The following LRRK2 variants were observed in gnomAD, a reference collection of about 807,000 sequenced individuals.
LRRK2 encodes the protein leucine rich repeat kinase 2.
LRRK2 carries 203 observed loss-of-function variants against 302.6 expected under a neutral mutation model. The ratio of observed to expected loss-of-function variants is 0.67; its 90% CI spans 0.60 to 0.75. The LOEUF is 0.75. Ranked by LOEUF, LRRK2 falls within the 30% of genes least tolerant of loss-of-function variation. LRRK2 has a pLI of 0.00. For missense variants in LRRK2, 2,830 were observed against 2,951.0 expected (o/e 0.96, Z 0.95); for synonymous variants, 1,066 against 1,031.9 (o/e 1.03, Z -0.63).
intron 38 of LRRK2, among the ~76,000 whole-genome samples, chr12:40,324,167 A>G (rs1347008148): frequency 6.6e-6 from 1 of 152,080 alleles, no homozygotes; most frequent in African/African-American, 2.4e-5. Flanking sequence ...TCTTTACAAG[A>G]CCTGCGATGC....
chr12:40,315,383 A>G lies in LRRK2; in HGVS notation c.4827+83A>G, dbSNP rs721713. On this transcript the variant is annotated intron_variant, in intron 33 of 50. Transcript: ENST00000298910. ...CGCCCAGAGCATTGAGCATTTTAGAATTTGGGTTTAGTTAAGGCAGAAACT... is the reference window on the plus strand; with the variant it reads ...CGCCCAGAGCATTGAGCATTTTAGAGTTTGGGTTTAGTTAAGGCAGAAACT... 656,598 of 1,175,802 alleles carry G rather than the reference A, an allele frequency of 0.56. 186,060 individuals carry two copies. The highest frequency in any genetic ancestry group is 0.69 in the South Asian group (56,320 of 81,944). 72.8% of individuals were successfully genotyped at this position (1,175,802 alleles called of 1,614,324 possible).
chr12:40,267,421 A>T (rs1209196696), intron 14 of LRRK2, among the ~76,000 whole-genome samples: 2 of 152,190 alleles, frequency 1.3e-5, no homozygotes, highest in African/African-American at 4.8e-5. Context: ...AGTTAAGTTT[A>T]TTCATGGTGA....
At chr12:40,236,944 A>G (rs1941493449) in intron 4 of LRRK2, among the ~76,000 whole-genome samples, 1 of 152,020 alleles carries the variant, frequency 6.6e-6, no homozygotes, top group Admixed American at 6.6e-5. Flanking sequence ...CCAACACTGG[A>G]ATATATTGAA....
At chr12:40,294,691 T>C (rs925007712) in intron 21 of LRRK2, among the ~76,000 whole-genome samples, 154 bp from the exon 22 acceptor site, 3 of 152,024 alleles carry the variant, frequency 2.0e-5, no homozygotes, top group Admixed American at 2.0e-4. Flanking sequence ...TTTTCTTTTA[T>C]CCTCATAATT....
At chr12:40,254,663 A>C (rs1262718459) in intron 11 of LRRK2, among the ~76,000 whole-genome samples, 1 of 152,160 alleles carries the variant, frequency 6.6e-6, no homozygotes, top group Non-Finnish European at 1.5e-5. Context: ...ATCTCCTTTG[A>C]TATGCAAATC....
chr12:40,281,974 A>G (rs1407823590), intron 18 of LRRK2, among the ~76,000 whole-genome samples: 1 of 151,922 alleles, frequency 6.6e-6, no homozygotes, highest in Non-Finnish European at 1.5e-5. Flanking sequence ...CTGGGCTATA[A>G]GAGAAGGCAT....
intron 3 of LRRK2, chr12:40,232,683 T>C (rs938877506): frequency 2.7e-5 from 6 of 219,116 alleles, no homozygotes; most frequent in Non-Finnish European, 5.4e-5. Flanking sequence ...ATTCAAACCA[T>C]GAAGAGATTT....
intron 30 of LRRK2, among the ~76,000 whole-genome samples, chr12:40,309,707 A>G (rs1944971831): frequency 1.3e-5 from 2 of 152,008 alleles, no homozygotes; most frequent in Non-Finnish European, 2.9e-5. Context: ...TTGCTTTTCT[A>G]TCTTTTCCTT....
intron 33 of LRRK2, among the ~76,000 whole-genome samples, chr12:40,317,022 A>G (rs1198518738): frequency 6.6e-6 from 1 of 152,050 alleles, no homozygotes; most frequent in Non-Finnish European, 1.5e-5. Context: ...GGTATATCTT[A>G]TACAGTAGAA....
intron 16 of LRRK2, 89 bp downstream of exon 16, chr12:40,275,082 G>T (rs1442010552): frequency 7.2e-7 from 1 of 1,389,502 alleles, no homozygotes. Flanking sequence ...GCATGAATGG[G>T]GTATTCTAGT....
chr12:40,260,602 C>G (rs1454845618), intron 13 of LRRK2, among the ~76,000 whole-genome samples: 1 of 151,992 alleles, frequency 6.6e-6, no homozygotes, highest in African/African-American at 2.4e-5. Flanking sequence ...AAAATGGAAG[C>G]CAACCCAAGT....
intron 41 of LRRK2, among the ~76,000 whole-genome samples, chr12:40,345,821 T>G (rs1364302024): frequency 7.4e-6 from 1 of 135,564 alleles, no homozygotes; most frequent in Non-Finnish European, 1.7e-5. Context: ...TATATTTCTT[T>G]AGAATAAGGA....
At chr12:40,261,307 C>A (rs971162050) in intron 13 of LRRK2, among the ~76,000 whole-genome samples, 2 of 151,960 alleles carry the variant, frequency 1.3e-5, no homozygotes, top group African/African-American at 2.4e-5. Flanking sequence ...ACTCAAAAAC[C>A]GTTTCTGTTA....
rs72546324 is a variant in LRRK2, at chr12:40,304,004, A to G, written c.3647A>G (p.His1216Arg). ...ATTCAGTACCTACCAGGTCCCGCAC[A>G]CTGGAAATCTTTGAACTTAAGGGAA... is the stretch of plus-strand genomic sequence containing the variant. ...NDIQYLPGPA[H>R]WKSLNLRELL... Residue 1216 changes from histidine to arginine, a missense_variant, in exon 27 of 51, where the codon CAC (histidine) becomes CGC (arginine). By Grantham distance (29) the His-to-Arg change is conservative. Transcript: ENST00000298910. The G allele has an allele frequency of 6.2e-7, 1 of 1,613,766 alleles. No homozygotes were observed. The highest frequency in any genetic ancestry group is 8.5e-7 in the Non-Finnish European group (1 of 1,179,768).
chr12:40,251,571 G>A, intron 10 of LRRK2, 27 bp downstream of exon 10: 2 of 1,541,258 alleles, frequency 1.3e-6, no homozygotes, highest in Non-Finnish European at 1.8e-6. Context: ...TTATATGATA[G>A]AAAATTTCAG....
intron 47 of LRRK2, among the ~76,000 whole-genome samples, chr12:40,361,978 G>A (rs1220888826): frequency 6.6e-6 from 1 of 152,024 alleles, no homozygotes; most frequent in East Asian, 1.9e-4. Context: ...TCCTAGGTCG[G>A]CAAGCATGAT....
rs201693316 is a variant in LRRK2 at position 40,271,138 on chromosome 12, T to C, written c.1657-3445T>C. 5.3e-5 allele frequency among the ~76,000 whole-genome samples: 8 copies of C among 152,140 alleles called. No individual in the cohort carries two copies. The East Asian group carries it at 1.5e-3, about 29-fold the overall frequency. ...CTCTTCTTTGGGGCTATCAGTCATATGATGTTGGATCTCTTTTGCCTTAAT... is the reference window on the plus strand; with the variant it reads ...CTCTTCTTTGGGGCTATCAGTCATACGATGTTGGATCTCTTTTGCCTTAAT... On this transcript the variant is annotated intron_variant, in intron 14 of 50. Coordinates refer to ENST00000298910, the MANE Select transcript of LRRK2 (RefSeq NM_198578.4).
Position 40,299,275 on chromosome 12 carries a change from G to A in LRRK2, c.3496+18G>A, listed in dbSNP as rs779091404. ...TTTTCTTGGTAAGTGTTCTGTGTGG[G>A]TCTCCTCCTTACCAGGCCCTCTAAG... On this transcript the variant is annotated intron_variant, in intron 25 of 50. Transcript: ENST00000298910. The A allele has an allele frequency of 1.8e-5, 29 of 1,612,274 alleles. No homozygotes were observed. Among genetic ancestry groups the A allele is most frequent in the Admixed American group, 1.7e-5 (1 of 59,904 alleles).
chr12:40,277,947 G>T lies in LRRK2; in HGVS notation c.2001G>T (p.Val667=). ...CAGCATCTTTTTCTAAGCTGCTGGT[G>T]CATCATTCATTTGACTTAGTAATAT... The part of the protein sequence containing the change: ...KLSASFSKLL[V]HHSFDLVIFH... Residue 667 remains valine (V), a synonymous_variant, in exon 17 of 51, where the codon GTG becomes GTT. Transcript: ENST00000298910. 2 of 1,612,834 alleles carry T rather than the reference G, an allele frequency of 1.2e-6. No homozygotes were observed. Among genetic ancestry groups the T allele is most frequent in the Non-Finnish European group, 8.5e-7 (1 of 1,179,766 alleles).
Sources: allele counts gnomAD v4.1 joint callset (sites outside exome capture counted in the v4.1 genomes callset), GRCh38; gene constraint gnomAD v4.1.1; transcripts MANE v1.5; gene names NCBI Gene and HGNC (gene_info 2026-07-23, HGNC 2026-07-21).